DDHD1: variants seen among roughly 807,000 people sequenced by gnomAD.
DDHD1 encodes the protein phospholipase DDHD1.
A neutral mutation model predicts 96.4 loss-of-function variants in DDHD1; 49 were observed. The ratio of observed to expected loss-of-function variants is 0.51; its 90% CI spans 0.40 to 0.64. The LOEUF (loss-of-function observed/expected upper bound fraction) is 0.64. Ranked by LOEUF, DDHD1 falls within the 30% of genes least tolerant of loss-of-function variation. The pLI, the probability that DDHD1 is intolerant of heterozygous loss-of-function variation, is 0.00. For synonymous variants in DDHD1, 442 were observed against 446.5 expected, an observed-to-expected ratio of 0.99 and a Z score of 0.13; for missense variants, 1,106 against 1,161.2, an observed-to-expected ratio of 0.95 and a Z score of 0.69.
chr14:53,129,461 C>T (rs2139832374), intron 1 of DDHD1, among the ~76,000 whole-genome samples: 1 of 152,350 alleles, frequency 6.6e-6, no homozygotes, highest in East Asian at 1.9e-4. Flanking sequence ...AACTCTGGTG[C>T]CGGTTACGGA....
intron 1 of DDHD1, among the ~76,000 whole-genome samples, chr14:53,112,634 G>A (rs1236829828): frequency 2.0e-5 from 3 of 152,120 alleles, no homozygotes; most frequent in South Asian, 4.2e-4. Flanking sequence ...TTATCAATCT[G>A]CTTAAAAATA....
At chr14:53,102,963 A>G in intron 2 of DDHD1, 1 of 1,476,734 alleles carries the variant, frequency 6.8e-7, no homozygotes, top group African/African-American at 1.4e-5. Flanking sequence ...ATGGATGAAG[A>G]AACGGTTTTA....
At position 53,152,521 on chromosome 14, in the gene DDHD1, G is replaced by A. The variant is rs1268767392; in HGVS notation, c.578C>T (p.Ala193Val). The A allele has an allele frequency of 1.4e-5, 23 of 1,613,354 alleles. No individual in the cohort carries two copies. The highest frequency in any genetic ancestry group is 1.7e-5 in the Non-Finnish European group (20 of 1,179,924). ...CGTGGTCTGCAGCAGGGTCCGGAAGGCGAGCTCGATGCGGAGCGAGTCGTA... is the reference window on the plus strand; with the variant it reads ...CGTGGTCTGCAGCAGGGTCCGGAAGACGAGCTCGATGCGGAGCGAGTCGTA... Reference protein sequence around the residue: ...IGYDSLRIELAFRTLLQTTGA... With the variant: ...IGYDSLRIELVFRTLLQTTGA... Residue 193 changes from alanine (A) to valine (V), a missense_variant, in exon 1 of 13, where the codon GCC becomes GTC. This residue lies in a region of DDHD1 where 456 missense variants were observed against 402.4 expected (regional missense o/e 1.13). Transcript: ENST00000673822.
intron 1 of DDHD1, among the ~76,000 whole-genome samples, chr14:53,113,389 C>A (rs1888270405): frequency 8.7e-5 from 3 of 34,566 alleles, no homozygotes; most frequent in East Asian, 1.2e-3. Context: ...CCTGTACAAG[C>A]CAAAAAAAAA....
At chr14:53,142,842 G>C (rs1178305661) in intron 1 of DDHD1, among the ~76,000 whole-genome samples, 2 of 152,236 alleles carry the variant, frequency 1.3e-5, no homozygotes, top group African/African-American at 4.8e-5. Context: ...AACAGTTACA[G>C]AGGATCTAGG....
chr14:53,114,719 G>T (rs567570367), intron 1 of DDHD1, among the ~76,000 whole-genome samples: 2 of 152,264 alleles, frequency 1.3e-5, no homozygotes, highest in South Asian at 4.2e-4. Context: ...CCCATCCAAA[G>T]GTCATCAGCC....
rs111495469 is a variant in DDHD1 at position 53,107,727 on chromosome 14, G to A, written c.839-3871C>T. ...AATCACTTGAACCCGGGAGGCGGAG[G>A]TTGCAGTGAGCTGAGATCGTGCTGA... On this transcript the variant is annotated intron_variant, in intron 1 of 12. Transcript: ENST00000673822. Among the ~76,000 whole-genome samples, 193 of 152,248 alleles carry A rather than the reference G, an allele frequency of 1.3e-3. 1 individual carries two copies. The highest frequency in any genetic ancestry group is 3.5e-3 in the Admixed American group (54 of 15,290).
chr14:53,051,705 T>C (rs1466792460), intron 12 of DDHD1, 139 bp downstream of exon 12: 6 of 652,176 alleles, frequency 9.2e-6, no homozygotes, highest in Non-Finnish European at 1.2e-5. Flanking sequence ...GGGATGAAAA[T>C]ACACATAAAA....
intron 1 of DDHD1, 143 bp downstream of exon 1, chr14:53,152,115 TCCC>T: frequency 2.0e-5 from 16 of 789,656 alleles, no homozygotes; most frequent in Admixed American, 7.1e-5. Flanking sequence ...CTGCCGACGC[TCCC>T]TGCTCAATCT....
At chr14:53,133,940 T>G (rs1275118113) in intron 1 of DDHD1, among the ~76,000 whole-genome samples, 1 of 152,084 alleles carries the variant, frequency 6.6e-6, no homozygotes, top group African/African-American at 2.4e-5. Context: ...TACAGGACCC[T>G]CCCCATTGGG....
At chr14:53,057,131 C>T (rs1883120693) in intron 9 of DDHD1, among the ~76,000 whole-genome samples, 2 of 152,084 alleles carry the variant, frequency 1.3e-5, no homozygotes, top group South Asian at 4.1e-4. Context: ...GTTAATATGG[C>T]AGTTGTAAGT....
rs996658877 is a variant in DDHD1, at chr14:53,098,981, T to A, written c.1012+4702A>T. 5.9e-5 allele frequency among the ~76,000 whole-genome samples: 9 copies of A among 152,206 alleles called. No homozygotes were observed. In the East Asian group the frequency reaches 1.5e-3, roughly 26 times the overall value. The stretch of plus-strand genomic sequence containing the variant: ...TATCTTATATATACAAATATATTTA[T>A]ATTTGTTGTTATTGATATGGGTGAA... On this transcript the variant is annotated intron_variant, in intron 2 of 12. Transcript: ENST00000673822.
In DDHD1 at chr14:53,037,620, A is replaced by C. The variant is rs1197038440; in HGVS notation, c.*9148T>G. On this transcript the variant is annotated 3_prime_UTR_variant, in exon 13 of 13. Transcript: ENST00000673822. ...TTTTTGCTTGTTAAGTTCCTTATTGATTCTGGATGTCAGATCTTTGTTGGA... is the reference window on the plus strand; with the variant it reads ...TTTTTGCTTGTTAAGTTCCTTATTGCTTCTGGATGTCAGATCTTTGTTGGA... 1 of 151,950 alleles carries C rather than the reference A, an allele frequency of 6.6e-6. No homozygotes were observed. Among genetic ancestry groups the C allele is most frequent in the East Asian group, 1.9e-4 (1 of 5,178 alleles). The allele number at this position is 151,950 out of a possible 1,614,324, so 9.4% of individuals were successfully genotyped here. A position where few individuals can be genotyped will look rare whatever the true frequency, so the allele number is the denominator to read the frequency against.
At chr14:53,099,286 G>A (rs1226081959) in intron 2 of DDHD1, among the ~76,000 whole-genome samples, 1 of 152,074 alleles carries the variant, frequency 6.6e-6, no homozygotes, top group Non-Finnish European at 1.5e-5. Context: ...CATTAACAGT[G>A]GTACAATACT....
chr14:53,063,768 A>T (rs1340324947), intron 6 of DDHD1, among the ~76,000 whole-genome samples: 1 of 152,136 alleles, frequency 6.6e-6, no homozygotes, highest in East Asian at 1.9e-4. Context: ...GTTCCCACTA[A>T]GTTGGCAATA....
At chr14:53,090,861 TA>T (rs1886375772) in intron 4 of DDHD1, among the ~76,000 whole-genome samples, 1 of 151,938 alleles carries the variant, frequency 6.6e-6, no homozygotes, top group Non-Finnish European at 1.5e-5. Context: ...CCCTAGAACT[TA>T]AAGTATAATA....
intron 7 of DDHD1, among the ~76,000 whole-genome samples, chr14:53,062,523 AT>A (rs1175297598): frequency 1.3e-5 from 2 of 152,068 alleles, no homozygotes; most frequent in Non-Finnish European, 2.9e-5. Context: ...ATGTAAAAAA[AT>A]ATATTTGCTT....
At position 53,037,424 on chromosome 14, in the gene DDHD1, C is replaced by T. The variant is rs1361871735; in HGVS notation, c.*9344G>A. 6.6e-6 allele frequency: 1 copy of T among 152,102 alleles called. No homozygotes were observed. The highest frequency in any genetic ancestry group is 1.5e-5 in the Non-Finnish European group (1 of 68,004). The allele number at this position is 152,102 out of a possible 1,614,324, so 9.4% of individuals were successfully genotyped here. On this transcript the variant is annotated 3_prime_UTR_variant, in exon 13 of 13. Transcript: ENST00000673822. ...GAAACCTTACTGGCATGTTATTAGA[C>T]TTCTTTACAATAGCCATTCTAACTG...
In DDHD1 at chr14:53,072,604, C is replaced by G; in HGVS notation, c.1496G>C (p.Arg499Thr). The G allele has an allele frequency of 6.4e-7, 1 of 1,559,780 alleles. No individual in the cohort carries two copies. Among genetic ancestry groups the G allele is most frequent in the Non-Finnish European group, 8.7e-7 (1 of 1,144,578 alleles). ...DIMYYTSPLY[R>T]DELVKGLQQE... ...GATAATCATGACACTTACTTCATCTCTATAAAGTGGACTAGTATAATACAT... is the reference window on the plus strand; with the variant it reads ...GATAATCATGACACTTACTTCATCTGTATAAAGTGGACTAGTATAATACAT... The change falls in exon 6 of 13, where the codon AGA becomes ACA. Residue 499 changes from arginine to threonine, a missense_variant. By Grantham distance (71) the Arg-to-Thr change is moderately conservative. This residue lies in a region of DDHD1 where 650 missense variants were observed against 758.8 expected (regional missense o/e 0.86). Coordinates refer to ENST00000673822, the MANE Select transcript of DDHD1 (RefSeq NM_001160148.2).
Sources: gnomAD v4.1 joint callset for allele counts (sites outside exome capture counted in the v4.1 genomes callset) on GRCh38, gnomAD v4.1.1 for gene constraint, gnomAD v4.1.1 regional missense constraint, MANE v1.5 for transcripts, NCBI Gene and HGNC (gene_info 2026-07-23, HGNC 2026-07-21) for gene names.